The following TUBGCP5 variants were observed in gnomAD, a reference collection of about 807,000 sequenced individuals.
TUBGCP5 encodes the protein tubulin gamma complex component 5.
TUBGCP5 carries 98 observed loss-of-function variants against 134.7 expected under a neutral mutation model. The observed-to-expected ratio is 0.73, with a 90% CI of 0.62 to 0.86. TUBGCP5 has a LOEUF of 0.86. TUBGCP5 is among the 40% of genes least tolerant of loss of function. TUBGCP5 has a pLI of 0.00. For synonymous variants in TUBGCP5, 456 were observed against 431.4 expected, an observed-to-expected ratio of 1.06 and a Z score of -0.71; for missense variants, 1,150 against 1,244.8, an observed-to-expected ratio of 0.92 and a Z score of 1.15.
intron 1 of TUBGCP5, among the ~76,000 whole-genome samples, chr15:23,037,476 T>C (rs1270247559): frequency 2.6e-5 from 4 of 152,076 alleles, no homozygotes; most frequent in African/African-American, 4.8e-5. Context: ...TTTTATGCCA[T>C]AGTGAGGCCC....
intron 18 of TUBGCP5, 103 bp downstream of exon 18, chr15:23,005,949 T>TTC: frequency 1.5e-6 from 2 of 1,292,930 alleles, no homozygotes; most frequent in Non-Finnish European, 2.1e-6. Flanking sequence ...CCAACTTTTT[T>TTC]TTTTTTTCCA....
chr15:23,005,773 G>T, intron 18 of TUBGCP5, 163 bp from the exon 19 acceptor site: 1 of 761,254 alleles, frequency 1.3e-6, no homozygotes, highest in Non-Finnish European at 2.1e-6. Context: ...AAGGTGCAGT[G>T]GGAAAAGTTT....
At chr15:23,005,756 C>T in intron 18 of TUBGCP5, 146 bp from the exon 19 acceptor site, 1 of 854,822 alleles carries the variant, frequency 1.2e-6, no homozygotes, top group Non-Finnish European at 1.8e-6. Context: ...AACCTCAGTG[C>T]CTCTGGAAGG....
chr15:22,986,534 C>T (rs1407475335), intron 23 of TUBGCP5, among the ~76,000 whole-genome samples: 2 of 151,928 alleles, frequency 1.3e-5, no homozygotes, highest in African/African-American at 2.4e-5. Flanking sequence ...GTCAGGAGTT[C>T]GAGACCAGCC....
intron 1 of TUBGCP5, among the ~76,000 whole-genome samples, chr15:23,038,867 T>C (rs887967860): frequency 6.6e-6 from 1 of 152,112 alleles, no homozygotes; most frequent in African/African-American, 2.4e-5. Flanking sequence ...TGCCAGGAGC[T>C]GTGCAGAGAT....
exon 24 of TUBGCP5, chr15:22,983,436 A>C (rs2063590091): frequency 6.6e-6 from 1 of 152,156 alleles, no homozygotes; most frequent in Admixed American, 6.6e-5. Flanking sequence ...CTATATATGC[A>C]GGCCTATGAT....
chr15:23,032,632 A>G (rs2066377541), intron 4 of TUBGCP5, 96 bp downstream of exon 4: 1 of 821,314 alleles, frequency 1.2e-6, no homozygotes, highest in Non-Finnish European at 1.8e-6. Context: ...AGTTTCACAG[A>G]TTTTTAGAAG....
Position 23,024,016 on chromosome 15 carries a change from C to T in TUBGCP5, c.1099G>A (p.Ala367Thr). 6.2e-7 allele frequency: 1 copy of T among 1,614,044 alleles called. No homozygotes were observed. The highest frequency in any genetic ancestry group is 8.5e-7 in the Non-Finnish European group (1 of 1,179,992). Reference sequence around the variant, plus strand: ...AAACTAATGAAATATTTGTACAGGGCCCACATGAAAGCCTGGTAGGTTCTA... The same window carrying T: ...AAACTAATGAAATATTTGTACAGGGTCCACATGAAAGCCTGGTAGGTTCTA... ...PFRTYQAFMW[A>T]LYKYFISFKE... Residue 367 changes from alanine (A) to threonine (T), a missense_variant, in exon 10 of 23, where the codon GCC becomes ACC. By Grantham distance (58) the Ala-to-Thr change is moderately conservative. Transcript: ENST00000615383.
At chr15:23,027,712 G>A (rs1007338335) in intron 6 of TUBGCP5, among the ~76,000 whole-genome samples, 1 of 151,596 alleles carries the variant, frequency 6.6e-6, no homozygotes, top group Non-Finnish European at 1.5e-5. Context: ...ATGCCACTAC[G>A]CTCCAGCCTG....
At chr15:22,987,635 G>A (rs545792436) in intron 23 of TUBGCP5, among the ~76,000 whole-genome samples, 8 of 151,294 alleles carry the variant, frequency 5.3e-5, no homozygotes, top group Non-Finnish European at 8.8e-5. Context: ...GGTGGCTCAC[G>A]CCTGTAATCC....
At position 22,999,728 on chromosome 15, in the gene TUBGCP5, CA is replaced by C; in HGVS notation, c.*91del. On this transcript the variant is annotated 3_prime_UTR_variant, in exon 23 of 23. Transcript: ENST00000615383. Reference sequence around the variant, plus strand: ...CTGTGGACAAGTTTTACAAATAAACCAAAATAAAAATATTTTCACTTTTCAG... The same window carrying C: ...CTGTGGACAAGTTTTACAAATAAACCAAATAAAAATATTTTCACTTTTCAG... The C allele has an allele frequency of 6.9e-7, 1 of 1,451,938 alleles. No individual in the cohort carries two copies. Among genetic ancestry groups the C allele is most frequent in the Non-Finnish European group, 9.6e-7 (1 of 1,038,468 alleles). The allele number at this position is 1,451,938 out of a possible 1,614,324, so 89.9% of individuals were successfully genotyped here. A position where few individuals can be genotyped will look rare whatever the true frequency, so the allele number is the denominator to read the frequency against.
At chr15:23,008,489 C>T in intron 16 of TUBGCP5, 2 of 613,440 alleles carry the variant, frequency 3.3e-6, no homozygotes, top group South Asian at 1.8e-5. Flanking sequence ...GAACTCCTGA[C>T]CTCAGGTGAT....
intron 23 of TUBGCP5, among the ~76,000 whole-genome samples, chr15:22,992,488 ATATATGTATG>A (rs1000432288): frequency 2.0e-5 from 3 of 152,162 alleles, no homozygotes; most frequent in Non-Finnish European, 2.9e-5. Flanking sequence ...ATACACACAT[ATATATGTATG>A]TATATGTGTG....
chr15:22,986,923 A>G (rs2063697599), intron 23 of TUBGCP5, among the ~76,000 whole-genome samples: 3 of 152,198 alleles, frequency 2.0e-5, no homozygotes. Context: ...GGGTTCAACC[A>G]GAAAAGCAGA....
chr15:23,019,482 A>T (rs1220748958), intron 11 of TUBGCP5, 148 bp from the exon 12 acceptor site: 1 of 642,288 alleles, frequency 1.6e-6, no homozygotes, highest in Admixed American at 2.6e-5. Context: ...CCAAAAACAT[A>T]CACTATAAAA....
intron 3 of TUBGCP5, among the ~76,000 whole-genome samples, chr15:23,034,689 T>C (rs1339232848): frequency 6.6e-6 from 1 of 151,850 alleles, no homozygotes; most frequent in Non-Finnish European, 1.5e-5. Context: ...CGAAACCTCA[T>C]CTCTACTAAA....
chr15:22,989,626 C>G (rs2063789113), intron 23 of TUBGCP5, among the ~76,000 whole-genome samples: 1 of 152,222 alleles, frequency 6.6e-6, no homozygotes, highest in Non-Finnish European at 1.5e-5. Context: ...GATCCTCCCA[C>G]CTGGCCTCCC....
rs749331880 is a variant in TUBGCP5 at position 23,008,835 on chromosome 15, C to T, written c.2191G>A (p.Gly731Arg). The T allele has an allele frequency of 1.5e-5, 24 of 1,580,970 alleles. No homozygotes were observed. Among genetic ancestry groups the T allele is most frequent in the South Asian group, 9.4e-5 (8 of 84,860 alleles). Reference protein sequence around the residue: ...QAMRNFFLMEGGDTMYDFYTS... With the variant: ...QAMRNFFLMERGDTMYDFYTS... The stretch of plus-strand genomic sequence containing the variant: ...TAGAAGTCATACATGGTATCTCCTC[C>T]TTCCATTAAGAAAAAATTCCTCATA... Residue 731 changes from glycine (G) to arginine (R), a missense_variant, in exon 16 of 23, where the codon GGA becomes AGA. Around this residue, in one of 2 missense-constraint regions of TUBGCP5, gnomAD observed 697 missense variants for 850.1 expected, o/e 0.82. Coordinates refer to ENST00000615383, the MANE Select transcript of TUBGCP5 (RefSeq NM_052903.6).
At chr15:23,011,591 G>A (rs1167602582) in intron 13 of TUBGCP5, among the ~76,000 whole-genome samples, 3 of 149,392 alleles carry the variant, frequency 2.0e-5, no homozygotes, top group Admixed American at 6.7e-5. Flanking sequence ...TGCAACCTCC[G>A]CCTCCCGGGT....
Sources: allele counts gnomAD v4.1 joint callset (sites outside exome capture counted in the v4.1 genomes callset), GRCh38; gene constraint gnomAD v4.1.1; regional missense constraint gnomAD v4.1.1; transcripts MANE v1.5; gene names NCBI Gene and HGNC (gene_info 2026-07-23, HGNC 2026-07-21).